The following NTNG1 variants were observed in gnomAD, a reference collection of about 807,000 sequenced individuals.
The protein encoded by NTNG1 is netrin-G1.
NTNG1 carries 16 observed loss-of-function variants against 54.0 expected under a neutral mutation model. The observed-to-expected ratio is 0.30, with a 90% CI of 0.20 to 0.45. The LOEUF is 0.45. NTNG1 is among the 20% of genes least tolerant of loss of function. The probability of loss-of-function intolerance (pLI) is 1.00; values close to 1 mark genes in which losing one functional copy is unlikely to be tolerated. For missense variants in NTNG1, 530 were observed against 678.7 expected (o/e 0.78, Z 2.43); for synonymous variants, 255 against 263.1 (o/e 0.97, Z 0.30).
chr1:107,313,698 T>C (rs1667163459), intron 2 of NTNG1, among the ~76,000 whole-genome samples: 1 of 152,102 alleles, frequency 6.6e-6, no homozygotes, highest in Non-Finnish European at 1.5e-5. Context: ...AAAAAAATAG[T>C]GAAACAGGAT....
intron 2 of NTNG1, among the ~76,000 whole-genome samples, chr1:107,216,402 G>C (rs1350055640): frequency 6.6e-6 from 1 of 152,072 alleles, no homozygotes; most frequent in Non-Finnish European, 1.5e-5. Flanking sequence ...CTATTGAGAT[G>C]ATCATGTGAT....
intron 2 of NTNG1, among the ~76,000 whole-genome samples, chr1:107,180,299 C>T (rs1656973513): frequency 6.6e-6 from 1 of 152,092 alleles, no homozygotes; most frequent in Non-Finnish European, 1.5e-5. Context: ...TATTTGTGCT[C>T]CTTCTCAGTG....
At chr1:107,369,537 A>G (rs1163647744) in intron 3 of NTNG1, among the ~76,000 whole-genome samples, 2 of 152,158 alleles carry the variant, frequency 1.3e-5, no homozygotes, top group Non-Finnish European at 2.9e-5. Flanking sequence ...TTTGCCATAT[A>G]TCTTTCTTGG....
At chr1:107,221,162 A>G (rs1168159091) in intron 2 of NTNG1, among the ~76,000 whole-genome samples, 1 of 152,132 alleles carries the variant, frequency 6.6e-6, no homozygotes, top group Non-Finnish European at 1.5e-5. Flanking sequence ...GAAATTGCCA[A>G]TATTCACCTT....
chr1:107,195,159 G>A (rs1226265830), intron 2 of NTNG1, among the ~76,000 whole-genome samples: 1 of 151,968 alleles, frequency 6.6e-6, no homozygotes, highest in Non-Finnish European at 1.5e-5. Context: ...GACCATTTGT[G>A]TTTTCTATGT....
At chr1:107,238,814 G>A (rs185198959) in intron 2 of NTNG1, among the ~76,000 whole-genome samples, 56 of 146,862 alleles carry the variant, frequency 3.8e-4, no homozygotes, top group Non-Finnish European at 5.8e-4. Flanking sequence ...TTTGTAAATT[G>A]CCCACTCTCG....
intron 7 of NTNG1, among the ~76,000 whole-genome samples, chr1:107,449,339 G>C (rs1282887681): frequency 6.6e-6 from 1 of 151,902 alleles, no homozygotes; most frequent in African/African-American, 2.4e-5. Context: ...TGATTCTCTG[G>C]GGGTGGGCTC....
At chr1:107,194,062 C>T (rs12122485) in intron 2 of NTNG1, among the ~76,000 whole-genome samples, 9,712 of 151,922 alleles carry the variant, frequency 0.064, 412 homozygotes, top group African/African-American at 0.12. Context: ...TGCTTGAAAT[C>T]ATCAACAGAC....
Position 107,480,799 on chromosome 1 carries a change from C to T in NTNG1, c.1579C>T (p.Leu527=). 6.3e-7 allele frequency: 1 copy of T among 1,585,294 alleles called. No individual in the cohort carries two copies. Residue 527 remains leucine, a synonymous_variant, in exon 8 of 8, where the codon CTG becomes TTG. Transcript: ENST00000370068. ...PPHGSPALLL[L]TTLLGTASPL... ...GCACGGCTCCCCAGCGCTGCTGCTG[C>T]TGACCACGCTGCTGGGAACCGCCAG... is the stretch of plus-strand genomic sequence containing the variant.
intron 2 of NTNG1, among the ~76,000 whole-genome samples, chr1:107,191,095 C>T (rs139943070): frequency 1.0e-4 from 15 of 147,418 alleles, no homozygotes; most frequent in Admixed American, 2.1e-4. Flanking sequence ...CCTGTTGTTT[C>T]CTGACTTTTT....
chr1:107,394,758 C>G (rs1037353375), intron 3 of NTNG1, among the ~76,000 whole-genome samples: 4 of 152,154 alleles, frequency 2.6e-5, no homozygotes, highest in African/African-American at 7.2e-5. Context: ...TAACATTGTT[C>G]TTTAAACCCA....
At chr1:107,468,614 G>A (rs148669729) in intron 7 of NTNG1, among the ~76,000 whole-genome samples, 11 of 152,228 alleles carry the variant, frequency 7.2e-5, no homozygotes, top group African/African-American at 2.6e-4. Context: ...CACCTCGGCT[G>A]TACTCCCACA....
In NTNG1 at chr1:107,324,120, T is replaced by A. The variant is rs76871213; in HGVS notation, c.247-162T>A. Among the ~76,000 whole-genome samples the A allele has an allele frequency of 4.8e-3, 728 of 151,800 alleles. 12 individuals carry two copies. Among genetic ancestry groups the A allele is most frequent in the Middle Eastern group, 0.034 (10 of 294 alleles). On this transcript the variant is annotated intron_variant, in intron 2 of 7. Transcript: ENST00000370068. Reference sequence around the variant, plus strand: ...AAATTACCATATTGCTTTTTTTTTTTAAAAGCTATTAAAGAGGAGAATCCA... The same window carrying A: ...AAATTACCATATTGCTTTTTTTTTTAAAAAGCTATTAAAGAGGAGAATCCA...
At chr1:107,281,338 T>G (rs12024408) in intron 2 of NTNG1, among the ~76,000 whole-genome samples, 1 of 151,966 alleles carries the variant, frequency 6.6e-6, no homozygotes, top group East Asian at 1.9e-4. Flanking sequence ...GCTCTTGGAA[T>G]TTATATTTAG....
intron 7 of NTNG1, among the ~76,000 whole-genome samples, chr1:107,456,217 G>A (rs1180264201): frequency 6.6e-6 from 1 of 152,192 alleles, no homozygotes; most frequent in Admixed American, 6.5e-5. Flanking sequence ...TCTTTTTAAA[G>A]TGAGTAGTAA....
chr1:107,338,827 AAAT>A (rs1469298833), intron 3 of NTNG1, among the ~76,000 whole-genome samples: 1 of 151,900 alleles, frequency 6.6e-6, no homozygotes, highest in Non-Finnish European at 1.5e-5. Context: ...AACTTTAAAA[AAAT>A]AATAATAATA....
At chr1:107,342,903 G>A (rs1282271609) in intron 3 of NTNG1, among the ~76,000 whole-genome samples, 2 of 152,064 alleles carry the variant, frequency 1.3e-5, no homozygotes, top group Non-Finnish European at 2.9e-5. Flanking sequence ...ACATGGATAA[G>A]ACACACTCCC....
intron 2 of NTNG1, among the ~76,000 whole-genome samples, chr1:107,275,437 C>T (rs190910748): frequency 8.6e-5 from 13 of 151,880 alleles, no homozygotes; most frequent in African/African-American, 3.1e-4. Context: ...GGAATTGGCT[C>T]ATACAATTAC....
At chr1:107,428,114 G>A (rs553038370) in intron 5 of NTNG1, among the ~76,000 whole-genome samples, 1 of 152,188 alleles carries the variant, frequency 6.6e-6, no homozygotes, top group South Asian at 2.1e-4. Context: ...AGGAACCATA[G>A]TATGAAAAGT....
Sources: allele counts gnomAD v4.1 joint callset (sites outside exome capture counted in the v4.1 genomes callset), GRCh38; gene constraint gnomAD v4.1.1; transcripts MANE v1.5; gene names NCBI Gene and HGNC (gene_info 2026-07-23, HGNC 2026-07-21).